The following DNAJC13 variants were observed in gnomAD, a reference collection of about 807,000 sequenced individuals.
The protein encoded by DNAJC13 is DnaJ heat shock protein family (Hsp40) member C13, also known as dnaJ homolog subfamily C member 13.
Under a neutral mutation model 290.5 loss-of-function variants are expected in DNAJC13, and 75 were observed. The ratio of observed to expected loss-of-function variants is 0.26; its 90% confidence interval spans 0.21 to 0.31. DNAJC13 has a LOEUF of 0.31. Ranked by LOEUF, DNAJC13 falls within the 10% of genes least tolerant of loss-of-function variation. DNAJC13 has a pLI of 1.00. For missense variants in DNAJC13, 2,260 were observed against 2,674.5 expected (o/e 0.85, Z 3.42); for synonymous variants, 862 against 892.0 (o/e 0.97, Z 0.60).
chr3:132,509,699 C>T (rs1935707792), intron 43 of DNAJC13, among the ~76,000 whole-genome samples: 1 of 152,180 alleles, frequency 6.6e-6, no homozygotes. Context: ...CAACCACCAC[C>T]CTGATTAGTC....
intron 5 of DNAJC13, among the ~76,000 whole-genome samples, chr3:132,449,064 CT>C: frequency 6.6e-6 from 1 of 152,142 alleles, no homozygotes; most frequent in Non-Finnish European, 1.5e-5. Context: ...AACAGTACCT[CT>C]AGAAGATTGC....
At position 132,457,284 on chromosome 3, in the gene DNAJC13, AG is replaced by A; in HGVS notation, c.1369del (p.Val457Ter). On this transcript the variant is annotated frameshift_variant, in exon 13 of 56. Transcript: ENST00000260818. LOFTEE classifies it high-confidence loss of function. ...TQLPKFRERL[G>X]VKVVKALKRS... ...GTTCCAAAAGGTTTCGCGAGCGTCTAGGGGTGAAGGTAGTAAAAGCACTCAA... is the reference window on the plus strand; with the variant it reads ...GTTCCAAAAGGTTTCGCGAGCGTCTAGGGTGAAGGTAGTAAAAGCACTCAA... 6.2e-7 allele frequency: 1 copy of A among 1,609,806 alleles called. No homozygotes were observed. The highest frequency in any genetic ancestry group is 8.5e-7 in the Non-Finnish European group (1 of 1,178,658).
rs375019548 is a variant in DNAJC13 at position 132,513,147 on chromosome 3, A to G, written c.5385+48A>G. 8.9e-6 allele frequency: 13 copies of G among 1,465,112 alleles called. No homozygotes were observed. In the African/African-American group the frequency reaches 1.3e-4, roughly 14 times the overall value. 90.8% of individuals were successfully genotyped at this position (1,465,112 alleles called of 1,614,324 possible). ...CGTGTTGCCTTTCCTACCACTTACCATGTGTAATTTGAGTCTCTATCAGTC... is the reference window on the plus strand; with the variant it reads ...CGTGTTGCCTTTCCTACCACTTACCGTGTGTAATTTGAGTCTCTATCAGTC... On this transcript the variant is annotated intron_variant, in intron 45 of 55. Coordinates refer to ENST00000260818, the MANE Select transcript of DNAJC13 (RefSeq NM_015268.4).
intron 1 of DNAJC13, among the ~76,000 whole-genome samples, chr3:132,427,494 A>G (rs1328463222): frequency 6.6e-6 from 1 of 152,228 alleles, no homozygotes; most frequent in Non-Finnish European, 1.5e-5. Flanking sequence ...CAATAAAATA[A>G]TAATGACAGT....
intron 47 of DNAJC13, 52 bp from the exon 48 acceptor site, chr3:132,516,651 TG>T: frequency 6.5e-7 from 1 of 1,549,898 alleles, no homozygotes. Context: ...AAATGAATTC[TG>T]ATTAGAAAAG....
chr3:132,478,137 G>C lies in DNAJC13; in HGVS notation c.2706G>C (p.Glu902Asp). 1.2e-6 allele frequency: 2 copies of C among 1,600,928 alleles called. No individual in the cohort carries two copies. Among genetic ancestry groups the C allele is most frequent in the Non-Finnish European group, 1.7e-6 (2 of 1,176,202 alleles). ...CCAGATATATCATTGGAATGTTAGA[G>C]AGGGTAAGGATATCATTTAAGGAAA... ...TDTRYIIGML[E>D]RCTDKLERDR... The change falls in exon 24 of 56, where the codon GAG (glutamate) becomes GAC (aspartate). Residue 902 changes from glutamate to aspartate, a missense_variant. Physicochemically the swap from Glu to Asp is conservative, Grantham distance 45 (BLOSUM62 2). Around this residue, in one of 3 missense-constraint regions of DNAJC13, gnomAD observed 1,494 missense variants for 1,693.7 expected, o/e 0.88. Coordinates refer to ENST00000260818, the MANE Select transcript of DNAJC13 (RefSeq NM_015268.4).
intron 21 of DNAJC13, 116 bp downstream of exon 21, chr3:132,473,343 A>T: frequency 1.4e-6 from 1 of 695,616 alleles, no homozygotes; most frequent in Non-Finnish European, 2.4e-6. Flanking sequence ...TTTTTATGCC[A>T]TCAAGTTCAG....
At chr3:132,512,017 G>T (rs200595769) in intron 44 of DNAJC13, among the ~76,000 whole-genome samples, 7 of 152,186 alleles carry the variant, frequency 4.6e-5, no homozygotes, top group African/African-American at 1.4e-4. Context: ...GGAAAATTAC[G>T]CATTTACAAG....
rs1254977718 is a variant in DNAJC13, at chr3:132,490,893, G to A, written c.3469-4G>A. Reference sequence around the variant, plus strand: ...ACTACCTTTTGTTTTGTTTTGTTTTGAAGACAAAAGGACAAGATATTTTTC... The same window carrying A: ...ACTACCTTTTGTTTTGTTTTGTTTTAAAGACAAAAGGACAAGATATTTTTC... On this transcript the variant is annotated splice_polypyrimidine_tract_variant and splice_region_variant and intron_variant, in intron 31 of 55. Coordinates refer to ENST00000260818, the MANE Select transcript of DNAJC13 (RefSeq NM_015268.4). The A allele has an allele frequency of 1.9e-6, 3 of 1,562,056 alleles. No individual in the cohort carries two copies. Among genetic ancestry groups the A allele is most frequent in the Non-Finnish European group, 2.6e-6 (3 of 1,158,986 alleles).
intron 45 of DNAJC13, among the ~76,000 whole-genome samples, chr3:132,513,396 G>T (rs966173612): frequency 6.6e-6 from 1 of 152,138 alleles, no homozygotes; most frequent in Non-Finnish European, 1.5e-5. Flanking sequence ...GGGAAGCTTA[G>T]AAGCCACACA....
chr3:132,457,015 A>T (rs1474166486), intron 12 of DNAJC13, among the ~76,000 whole-genome samples, 183 bp downstream of exon 12: 1 of 152,362 alleles, frequency 6.6e-6, no homozygotes, highest in East Asian at 1.9e-4. Context: ...TATTGGTCCC[A>T]TACTCACCAG....
chr3:132,479,850 CTAA>C (rs1311551222), intron 25 of DNAJC13, among the ~76,000 whole-genome samples: 1 of 152,026 alleles, frequency 6.6e-6, no homozygotes, highest in Non-Finnish European at 1.5e-5. Flanking sequence ...AACTTTGATA[CTAA>C]TACCAATTTG....
In DNAJC13 at chr3:132,472,646, T is replaced by A. The variant is rs183258876; in HGVS notation, c.2209-499T>A. 291 of 947,948 alleles carry A rather than the reference T, an allele frequency of 3.1e-4. 3 individuals are homozygous for A. The highest frequency in any genetic ancestry group is 5.8e-4 in the East Asian group (5 of 8,680). 58.7% of individuals were successfully genotyped at this position (947,948 alleles called of 1,614,324 possible). ...ATGTGGAGTCATCTTTGATATTCTC[T>A]GTTTAATAAATTCAAGTCTTAACTT... On this transcript the variant is annotated intron_variant, in intron 20 of 55. Coordinates refer to ENST00000260818, the MANE Select transcript of DNAJC13 (RefSeq NM_015268.4).
intron 42 of DNAJC13, among the ~76,000 whole-genome samples, chr3:132,505,964 A>G (rs960058224): frequency 6.6e-6 from 1 of 150,902 alleles, no homozygotes; most frequent in African/African-American, 2.4e-5. Context: ...ATTCCATGTT[A>G]GTCATCTAGA....
At chr3:132,506,697 A>G (rs1009452267) in intron 42 of DNAJC13, among the ~76,000 whole-genome samples, 2 of 151,658 alleles carry the variant, frequency 1.3e-5, no homozygotes, top group African/African-American at 4.8e-5. Context: ...GACTACAGGC[A>G]TGTATCACCA....
chr3:132,454,015 A>G (rs1406881241), intron 8 of DNAJC13, 51 bp from the exon 9 acceptor site: 3 of 1,367,050 alleles, frequency 2.2e-6, no homozygotes, highest in African/African-American at 1.5e-5. Flanking sequence ...ATGAAATACT[A>G]TAAAACTATA....
chr3:132,461,499 G>A (rs562127981), intron 15 of DNAJC13, among the ~76,000 whole-genome samples: 44 of 152,252 alleles, frequency 2.9e-4, no homozygotes, highest in African/African-American at 1.0e-3. Flanking sequence ...ATAAATATAA[G>A]CATCCATGTA....
At chr3:132,469,583 C>T (rs767397694) in intron 20 of DNAJC13, among the ~76,000 whole-genome samples, 12 of 151,982 alleles carry the variant, frequency 7.9e-5, no homozygotes, top group Non-Finnish European at 1.5e-4. Context: ...TTTGTCCTGG[C>T]GGGGAGGAGG....
intron 41 of DNAJC13, among the ~76,000 whole-genome samples, chr3:132,503,993 G>A (rs2107722768): frequency 6.7e-6 from 1 of 150,040 alleles, no homozygotes; most frequent in South Asian, 2.1e-4. Context: ...AAAAAAAAGA[G>A]TACTAAAAGA....
Sources: allele counts gnomAD v4.1 joint callset (sites outside exome capture counted in the v4.1 genomes callset), GRCh38; gene constraint gnomAD v4.1.1; regional missense constraint gnomAD v4.1.1; transcripts MANE v1.5; gene names NCBI Gene and HGNC (gene_info 2026-07-23, HGNC 2026-07-21).